Variants in ABLIM3 observed in about 807,000 individuals in gnomAD.
The protein encoded by ABLIM3 is actin binding LIM protein family member 3, also known as actin-binding LIM protein 3.
In ABLIM3, 61 loss-of-function variants were observed where a neutral mutation model predicts 109.5. That is an observed-to-expected ratio of 0.56 (90% CI 0.45 to 0.69). The LOEUF (loss-of-function observed/expected upper bound fraction) is 0.69, where lower values mean the gene tolerates loss of function less well. ABLIM3 is among the 30% of genes least tolerant of loss of function. The pLI is 0.00. For synonymous variants in ABLIM3, 300 were observed against 324.8 expected, an observed-to-expected ratio of 0.92 and a Z score of 0.82; for missense variants, 796 against 889.5, an observed-to-expected ratio of 0.89 and a Z score of 1.34.
intron 3 of ABLIM3, among the ~76,000 whole-genome samples, chr5:149,186,476 T>C (rs544686000): frequency 3.3e-5 from 5 of 152,200 alleles, no homozygotes; most frequent in Non-Finnish European, 7.4e-5. Flanking sequence ...ACCCTTTACA[T>C]GGATTCATGA....
At chr5:149,180,122 G>A (rs758284396) in intron 2 of ABLIM3, among the ~76,000 whole-genome samples, 6 of 152,206 alleles carry the variant, frequency 3.9e-5, no homozygotes, top group Admixed American at 6.5e-5. Flanking sequence ...GGTCTCAAAT[G>A]TTGCTCTCAA....
chr5:149,207,849 G>A (rs1257619382), intron 6 of ABLIM3, among the ~76,000 whole-genome samples: 1 of 152,214 alleles, frequency 6.6e-6, no homozygotes, highest in East Asian at 1.9e-4. Context: ...AACCTCCAGT[G>A]ACCCACACAC....
At chr5:149,225,978 GTGTGTATATATATATATA>G (rs1428713521) in intron 8 of ABLIM3, among the ~76,000 whole-genome samples, 155 of 25,080 alleles carry the variant, frequency 6.2e-3, no homozygotes, top group African/African-American at 0.034. Flanking sequence ...GTGTGTGTGT[GTGTGTATATATATATATA>G]TATATATATA....
At chr5:149,142,560 A>G (rs1270951313) in intron 2 of ABLIM3, among the ~76,000 whole-genome samples, 1 of 152,178 alleles carries the variant, frequency 6.6e-6, no homozygotes, top group Non-Finnish European at 1.5e-5. Context: ...GGGAAGCCGC[A>G]GTTTGATAAA....
rs201076202 is a variant in ABLIM3 at position 149,239,273 on chromosome 5, C to T, written c.1070C>T (p.Ser357Phe). 1,251 of 1,613,846 alleles carry T rather than the reference C, an allele frequency of 7.8e-4. No individual in the cohort carries two copies. The highest frequency in any genetic ancestry group is 9.5e-4 in the Non-Finnish European group (1,115 of 1,179,868). The change falls in exon 12 of 24, where the codon TCC becomes TTC. Residue 357 changes from serine (S) to phenylalanine (F), a missense_variant. Physicochemically the swap from Ser to Phe is radical, Grantham distance 155. Coordinates refer to ENST00000309868, the MANE Select transcript of ABLIM3 (RefSeq NM_014945.5). The stretch of plus-strand genomic sequence containing the variant: ...TCGCTGGGAACATTATCTCCCTACT[C>T]CCAGGTAATTCAGCTGATAGAGAAT... The part of the protein sequence containing the change: ...GESLGTLSPY[S>F]QDIYENLDLR...
chr5:149,156,873 G>A (rs1753902159), intron 2 of ABLIM3, among the ~76,000 whole-genome samples: 2 of 152,220 alleles, frequency 1.3e-5, no homozygotes, highest in East Asian at 1.9e-4. Context: ...GTATTTAGAA[G>A]AATAAAGGTG....
At chr5:149,151,399 T>C (rs1349954507) in intron 2 of ABLIM3, among the ~76,000 whole-genome samples, 1 of 152,240 alleles carries the variant, frequency 6.6e-6, no homozygotes, top group African/African-American at 2.4e-5. Context: ...AATATGAGTT[T>C]GTGGGGACAC....
intron 2 of ABLIM3, among the ~76,000 whole-genome samples, chr5:149,168,141 G>A (rs1561546282): frequency 6.6e-6 from 1 of 152,182 alleles, no homozygotes; most frequent in Non-Finnish European, 1.5e-5. Flanking sequence ...AGGGGTCAGG[G>A]AATTGTCCCC....
intron 3 of ABLIM3, among the ~76,000 whole-genome samples, chr5:149,188,190 T>A (rs1380929992): frequency 6.6e-6 from 1 of 152,110 alleles, no homozygotes; most frequent in African/African-American, 2.4e-5. Context: ...GAAAATGAAA[T>A]AAAAGGCATC....
chr5:149,163,116 G>T (rs1299339493), intron 2 of ABLIM3, among the ~76,000 whole-genome samples: 1 of 152,224 alleles, frequency 6.6e-6, no homozygotes, highest in Non-Finnish European at 1.5e-5. Flanking sequence ...AGGGTGGAGT[G>T]AAGTCATTGA....
chr5:149,210,944 G>A (rs939537393), intron 7 of ABLIM3, 125 bp downstream of exon 7: 7 of 847,518 alleles, frequency 8.3e-6, no homozygotes, highest in Non-Finnish European at 1.2e-5. Flanking sequence ...CTCCACCTTT[G>A]CTTGCTACAT....
chr5:149,153,878 C>T (rs908019792), intron 2 of ABLIM3, among the ~76,000 whole-genome samples: 18 of 152,330 alleles, frequency 1.2e-4, no homozygotes, highest in Non-Finnish European at 1.8e-4. Flanking sequence ...CCTGCTGTTC[C>T]CAGGGGCTGT....
chr5:149,227,119 T>C (rs13355287), intron 8 of ABLIM3, among the ~76,000 whole-genome samples: 6,335 of 148,682 alleles, frequency 0.043, 470 homozygotes, highest in African/African-American at 0.15. Context: ...CATCAGGGTG[T>C]AGCAGAGAGG....
At chr5:149,204,082 C>T (rs1009507956) in intron 5 of ABLIM3, among the ~76,000 whole-genome samples, 7 of 152,098 alleles carry the variant, frequency 4.6e-5, no homozygotes, top group South Asian at 2.1e-4. Flanking sequence ...AAACAAGGTA[C>T]GGAGCTTGCT....
intron 2 of ABLIM3, among the ~76,000 whole-genome samples, chr5:149,177,867 A>G (rs949948086): frequency 2.0e-5 from 3 of 152,172 alleles, no homozygotes; most frequent in African/African-American, 4.8e-5. Context: ...GCACTTTTCT[A>G]TAATTTAAGT....
intron 8 of ABLIM3, among the ~76,000 whole-genome samples, chr5:149,221,720 T>C (rs1208343671): frequency 1.3e-5 from 2 of 152,208 alleles, no homozygotes; most frequent in East Asian, 3.9e-4. Context: ...ATGGCCAAAA[T>C]GCTGCAGGTT....
intron 8 of ABLIM3, among the ~76,000 whole-genome samples, chr5:149,225,510 C>A (rs886825113): frequency 2.6e-5 from 4 of 152,090 alleles, no homozygotes; most frequent in Non-Finnish European, 2.9e-5. Flanking sequence ...TATGGCTGAA[C>A]AATATTCCAT....
At chr5:149,200,255 G>A (rs1758366608) in intron 4 of ABLIM3, 61 bp from the exon 5 acceptor site, 2 of 1,434,134 alleles carry the variant, frequency 1.4e-6, no homozygotes, top group Non-Finnish European at 2.0e-6. Flanking sequence ...GCACATGTGT[G>A]GTCAGCTACA....
intron 2 of ABLIM3, among the ~76,000 whole-genome samples, chr5:149,161,121 C>T (rs1207002332): frequency 1.3e-5 from 2 of 152,210 alleles, no homozygotes; most frequent in Non-Finnish European, 2.9e-5. Context: ...GGTCCGGAGC[C>T]TGTCCTCTAG....
Sources: gnomAD v4.1 joint callset for allele counts (sites outside exome capture counted in the v4.1 genomes callset) on GRCh38, gnomAD v4.1.1 for gene constraint, MANE v1.5 for transcripts, NCBI Gene and HGNC (gene_info 2026-07-23, HGNC 2026-07-21) for gene names.